Variants in CFAP43 observed in about 807,000 individuals in gnomAD.
CFAP43 encodes the protein cilia and flagella associated protein 43.
CFAP43 carries 155 observed loss-of-function variants against 218.9 expected under a neutral mutation model. The observed-to-expected ratio is 0.71, with a 90% confidence interval of 0.62 to 0.81. CFAP43 has a LOEUF of 0.81. Ranked by LOEUF, CFAP43 falls within the 30% of genes least tolerant of loss-of-function variation. CFAP43 has a pLI of 0.00. For missense variants in CFAP43, 1,778 were observed against 1,954.3 expected (o/e 0.91, Z 1.70); for synonymous variants, 645 against 681.3 (o/e 0.95, Z 0.83).
intron 3 of CFAP43, among the ~76,000 whole-genome samples, chr10:104,220,949 C>CGTGT (rs68093596): frequency 0.043 from 6,121 of 143,620 alleles, 194 homozygotes; most frequent in African/African-American, 0.093. Flanking sequence ...TATGAGTGAG[C>CGTGT]GTGTGTGTGT....
intron 10 of CFAP43, among the ~76,000 whole-genome samples, chr10:104,194,513 G>T (rs1216491251): frequency 2.0e-5 from 3 of 152,134 alleles, no homozygotes; most frequent in Non-Finnish European, 4.4e-5. Flanking sequence ...GGGATTACAG[G>T]TTCAAACCAC....
intron 12 of CFAP43, among the ~76,000 whole-genome samples, chr10:104,191,763 G>C (rs1439048060): frequency 2.2e-5 from 3 of 135,320 alleles, no homozygotes; most frequent in Admixed American, 7.6e-5. Context: ...TTTTTTTAAG[G>C]AGAATTTTAA....
chr10:104,145,134 GTTTGAACGCACTTTAGAAAA>G (rs1402524563), intron 31 of CFAP43, among the ~76,000 whole-genome samples: 3 of 152,188 alleles, frequency 2.0e-5, no homozygotes, highest in African/African-American at 7.2e-5. Context: ...ACTTGTGTTT[GTTTGAACGCACTTTAGAAAA>G]AACTGTTTTT....
intron 35 of CFAP43, among the ~76,000 whole-genome samples, chr10:104,133,234 G>A (rs2087280573): frequency 1.3e-5 from 2 of 152,166 alleles, no homozygotes; most frequent in South Asian, 2.1e-4. Flanking sequence ...CTTGAAGAAC[G>A]GCTATATTGA....
chr10:104,194,804 T>C (rs2090338254), intron 10 of CFAP43, among the ~76,000 whole-genome samples: 1 of 152,124 alleles, frequency 6.6e-6, no homozygotes, highest in Non-Finnish European at 1.5e-5. Flanking sequence ...ACATAAGAGA[T>C]CATTTTGCAA....
Position 104,130,306 on chromosome 10 carries a change from C to G in CFAP43, c.4832-1G>C, listed in dbSNP as rs2087118474. On this transcript the variant is annotated splice_acceptor_variant, in intron 37 of 37. Transcript: ENST00000357060. LOFTEE classifies it high-confidence loss of function. ...ATCTTTTCACAAGTCAGTTTAGACCCTATCCCAAAAATGAATAAAGGAATT... is the reference window on the plus strand; with the variant it reads ...ATCTTTTCACAAGTCAGTTTAGACCGTATCCCAAAAATGAATAAAGGAATT... The G allele has an allele frequency of 6.2e-7, 1 of 1,602,556 alleles. No homozygotes were observed. Among genetic ancestry groups the G allele is most frequent in the East Asian group, 2.2e-5 (1 of 44,618 alleles).
At chr10:104,195,866 T>G (rs1268303723) in intron 10 of CFAP43, among the ~76,000 whole-genome samples, 1 of 152,222 alleles carries the variant, frequency 6.6e-6, no homozygotes, top group South Asian at 2.1e-4. Context: ...GAATATTCAC[T>G]GAGAAACTAT....
chr10:104,182,989 T>A (rs746647461), intron 16 of CFAP43, among the ~76,000 whole-genome samples: 2 of 152,232 alleles, frequency 1.3e-5, no homozygotes, highest in Middle Eastern at 3.4e-3. Flanking sequence ...TTACTCAACA[T>A]GCCCTCTGTA....
At chr10:104,147,819 G>T in intron 29 of CFAP43, 72 bp downstream of exon 29, 2 of 1,058,238 alleles carry the variant, frequency 1.9e-6, no homozygotes, top group South Asian at 1.7e-5. Flanking sequence ...GTCTAGACAC[G>T]TGAGCTCTTG....
chr10:104,174,882 C>G (rs1345472548), intron 19 of CFAP43, among the ~76,000 whole-genome samples: 1 of 149,652 alleles, frequency 6.7e-6, no homozygotes, highest in East Asian at 2.0e-4. Context: ...CGTGAAACAC[C>G]ATCTCTACTA....
chr10:104,176,147 T>C (rs773364660), intron 19 of CFAP43, among the ~76,000 whole-genome samples: 29 of 152,180 alleles, frequency 1.9e-4, no homozygotes, highest in Non-Finnish European at 3.8e-4. Flanking sequence ...TAGCTTGGTA[T>C]TGGCTCAAGA....
In CFAP43 at chr10:104,193,932, T is replaced by C. The variant is rs760280836; in HGVS notation, c.1376A>G (p.Tyr459Cys). ...CACGACCTGAGGGGATTCCTTATCA[T>C]ATACGCTGATGAAGTAGACCGAGCC... ...EDGSVYFISV[Y>C]DKESPQVVHK... The change falls in exon 11 of 38, where the codon TAT becomes TGT. Residue 459 changes from tyrosine to cysteine, a missense_variant. Transcript: ENST00000357060. 4 of 1,614,080 alleles carry C rather than the reference T, an allele frequency of 2.5e-6. No individual in the cohort carries two copies. The highest frequency in any genetic ancestry group is 1.7e-5 in the Admixed American group (1 of 60,016).
chr10:104,141,325 A>T (rs1336033588), intron 33 of CFAP43, among the ~76,000 whole-genome samples: 1 of 152,152 alleles, frequency 6.6e-6, no homozygotes, highest in Admixed American at 6.5e-5. Context: ...TTAAATAACA[A>T]ATCTGGCCAG....
At chr10:104,147,781 T>A in intron 29 of CFAP43, 110 bp downstream of exon 29, 1 of 612,500 alleles carries the variant, frequency 1.6e-6, no homozygotes, top group Non-Finnish European at 2.5e-6. Flanking sequence ...CATGGTTATG[T>A]AGGAATGGTG....
Position 104,142,287 on chromosome 10 carries a change from A to T in CFAP43, c.4265T>A (p.Leu1422His). The T allele has an allele frequency of 6.2e-7, 1 of 1,610,308 alleles. No individual in the cohort carries two copies. Among genetic ancestry groups the T allele is most frequent in the African/African-American group, 1.3e-5 (1 of 74,828 alleles). Residue 1422 changes from leucine (L) to histidine (H), a missense_variant, in exon 33 of 38, where the codon CTC becomes CAC. Physicochemically the swap from Leu to His is moderately conservative, Grantham distance 99. Coordinates refer to ENST00000357060, the MANE Select transcript of CFAP43 (RefSeq NM_025145.7). ...AAAGAAAGCTTCAAATTACAGGATG[A>T]GTTCATGGAACACTCTCTCAATCTC... is the stretch of plus-strand genomic sequence containing the variant. ...QQEIERVFHE[L>H]ILLQEEKVRF...
intron 34 of CFAP43, among the ~76,000 whole-genome samples, chr10:104,136,276 A>AAAAAAAG (rs1554856620): frequency 2.2e-5 from 3 of 133,988 alleles, no homozygotes; most frequent in African/African-American, 9.0e-5. Context: ...AAAAAAAAAA[A>AAAAAAAG]AAGAAGAAAA....
chr10:104,168,339 A>G (rs929021950), intron 21 of CFAP43, among the ~76,000 whole-genome samples: 2 of 152,242 alleles, frequency 1.3e-5, no homozygotes, highest in Non-Finnish European at 2.9e-5. Flanking sequence ...CAAAGAGGGA[A>G]ATTACATTGG....
intron 28 of CFAP43, among the ~76,000 whole-genome samples, chr10:104,151,332 A>G (rs2088246168): frequency 6.6e-6 from 1 of 152,206 alleles, no homozygotes; most frequent in Admixed American, 6.5e-5. Flanking sequence ...CGCTTTCCAC[A>G]ATTGTTGAGC....
intron 9 of CFAP43, 150 bp from the exon 10 acceptor site, chr10:104,197,083 G>A (rs886271702): frequency 3.5e-5 from 20 of 569,500 alleles, no homozygotes; most frequent in Middle Eastern, 3.2e-4. Context: ...TCATTTCAAC[G>A]CCAATGCTTT....
Sources: gnomAD v4.1 joint callset for allele counts (sites outside exome capture counted in the v4.1 genomes callset) on GRCh38, gnomAD v4.1.1 for gene constraint, MANE v1.5 for transcripts, NCBI Gene and HGNC (gene_info 2026-07-23, HGNC 2026-07-21) for gene names.